TMPRSS15: variants seen among roughly 807,000 people sequenced by gnomAD.
The protein encoded by TMPRSS15 is transmembrane serine protease 15, also known as enteropeptidase.
In TMPRSS15, 128 loss-of-function variants were observed where a neutral mutation model predicts 125.3. The observed-to-expected ratio is 1.02, with a 90% confidence interval of 0.89 to 1.18. The LOEUF (loss-of-function observed/expected upper bound fraction) is 1.18. TMPRSS15 is among the 50% of genes most tolerant of loss of function. TMPRSS15 has a pLI of 0.00. For synonymous variants in TMPRSS15, 446 were observed against 423.2 expected (o/e 1.05, Z -0.66); for missense variants, 1,283 against 1,212.7 (o/e 1.06, Z -0.86).
chr21:18,400,074 A>C (rs1220528468), intron 1 of TMPRSS15, among the ~76,000 whole-genome samples: 2 of 152,192 alleles, frequency 1.3e-5, no homozygotes, highest in East Asian at 3.8e-4. Flanking sequence ...TATAAAAATC[A>C]GATAACACAA....
chr21:18,429,442 G>A (rs976307314), intron 1 of TMPRSS15, among the ~76,000 whole-genome samples: 1 of 152,126 alleles, frequency 6.6e-6, no homozygotes, highest in Non-Finnish European at 1.5e-5. Context: ...ATCTCATCTT[G>A]AATTATACTC....
At chr21:18,288,528 C>CTTTTT (rs149147539) in intron 21 of TMPRSS15, among the ~76,000 whole-genome samples, 9 of 96,962 alleles carry the variant, frequency 9.3e-5, no homozygotes, top group African/African-American at 1.2e-4. Flanking sequence ...AATGCTCTTC[C>CTTTTT]TTTTTTTTTT....
At chr21:18,369,538 A>G (rs947129500) in intron 6 of TMPRSS15, among the ~76,000 whole-genome samples, 1 of 152,194 alleles carries the variant, frequency 6.6e-6, no homozygotes, top group Admixed American at 6.5e-5. Context: ...GCAAACCTAA[A>G]TAACTAAAGA....
At chr21:18,445,692 C>T (rs568872870) in intron 1 of TMPRSS15, among the ~76,000 whole-genome samples, 18 of 152,182 alleles carry the variant, frequency 1.2e-4, no homozygotes, top group African/African-American at 3.1e-4. Context: ...ATCACATTAA[C>T]AAAATGTAGA....
At chr21:18,332,020 C>G in intron 14 of TMPRSS15, 64 bp downstream of exon 14, 1 of 1,413,152 alleles carries the variant, frequency 7.1e-7, no homozygotes, top group African/African-American at 1.4e-5. Context: ...TTTGCTGCGT[C>G]AAGGGGAGAT....
chr21:18,330,077 T>C (rs1222726009), intron 14 of TMPRSS15, among the ~76,000 whole-genome samples: 3 of 152,200 alleles, frequency 2.0e-5, no homozygotes, highest in Non-Finnish European at 4.4e-5. Context: ...TTATTCTTCC[T>C]ATCTCAGTGG....
chr21:18,472,824 A>G (rs2824842), intron 1 of TMPRSS15, among the ~76,000 whole-genome samples: 10,861 of 152,136 alleles, frequency 0.071, 540 homozygotes, highest in Admixed American at 0.12. Flanking sequence ...AAACTGCAGT[A>G]TAATTATTTA....
At chr21:18,336,816 A>G (rs557129582) in intron 13 of TMPRSS15, among the ~76,000 whole-genome samples, 49 of 152,308 alleles carry the variant, frequency 3.2e-4, no homozygotes, top group African/African-American at 1.2e-3. Flanking sequence ...GACAACAGGT[A>G]TGTGCCACTG....
chr21:18,297,871 T>C (rs1271391776), intron 18 of TMPRSS15, 42 bp from the exon 19 acceptor site: 3 of 1,453,590 alleles, frequency 2.1e-6, no homozygotes, highest in Middle Eastern at 1.7e-4. Context: ...AACAAAAGCA[T>C]AAAGAAAAGA....
intron 1 of TMPRSS15, among the ~76,000 whole-genome samples, chr21:18,456,423 A>C (rs187511192): frequency 6.6e-6 from 1 of 152,292 alleles, no homozygotes; most frequent in East Asian, 1.9e-4. Flanking sequence ...CATGTTAATT[A>C]AACACATACA....
intron 10 of TMPRSS15, among the ~76,000 whole-genome samples, chr21:18,345,547 C>T (rs2075496212): frequency 6.7e-6 from 1 of 150,176 alleles, no homozygotes; most frequent in Admixed American, 6.6e-5. Context: ...CCAGACCATC[C>T]TGGCTAACAC....
In TMPRSS15 at chr21:18,297,827, C is replaced by T. The variant is rs757271842; in HGVS notation, c.2168G>A (p.Ser723Asn). 3.7e-6 allele frequency: 6 copies of T among 1,608,970 alleles called. No homozygotes were observed. In the East Asian group the frequency reaches 8.9e-5, roughly 24 times the overall value. The change falls in exon 19 of 25, where the codon AGT (serine) becomes AAT (asparagine). Residue 723 changes from serine (S) to asparagine (N), a missense_variant and splice_region_variant. By Grantham distance (46) the Ser-to-Asn change is conservative. Coordinates refer to ENST00000284885, the MANE Select transcript of TMPRSS15 (RefSeq NM_002772.3). ...GAAGATTGGCTTTGATGAGTTTCCA[C>T]TCCTAGAGAAAAAAGAAAAAAGCAT... ...NDVCQLLGLG[S>N]GNSSKPIFPT...
intron 1 of TMPRSS15, among the ~76,000 whole-genome samples, chr21:18,453,273 T>C (rs1260618903): frequency 6.6e-6 from 1 of 152,178 alleles, no homozygotes; most frequent in Non-Finnish European, 1.5e-5. Flanking sequence ...TCTGATTATA[T>C]TTCCATGAAG....
chr21:18,398,156 T>C, intron 2 of TMPRSS15, 43 bp downstream of exon 2: 2 of 1,610,262 alleles, frequency 1.2e-6, no homozygotes, highest in Non-Finnish European at 1.7e-6. Context: ...AGCAAGTAGT[T>C]AAACTGTGTT....
At chr21:18,345,759 A>AAAAAAAAAAAAAAAAAC (rs2075501713) in intron 10 of TMPRSS15, among the ~76,000 whole-genome samples, 1 of 144,750 alleles carries the variant, frequency 6.9e-6, no homozygotes, top group Non-Finnish European at 1.5e-5. Flanking sequence ...AAAAAAAAAA[A>AAAAAAAAAAAAAAAAAC]AAATCCACTG....
intron 16 of TMPRSS15, among the ~76,000 whole-genome samples, chr21:18,321,835 T>C (rs1327185251): frequency 6.6e-6 from 1 of 152,180 alleles, no homozygotes; most frequent in Non-Finnish European, 1.5e-5. Flanking sequence ...CAGACGGTGC[T>C]GATGAAAACT....
chr21:18,277,794 G>T (rs75286851), intron 23 of TMPRSS15, among the ~76,000 whole-genome samples: 3 of 152,116 alleles, frequency 2.0e-5, no homozygotes, highest in Non-Finnish European at 2.9e-5. Flanking sequence ...TGTTGTGACT[G>T]CAGGGATCAG....
chr21:18,326,000 A>C (rs944933279), intron 16 of TMPRSS15, among the ~76,000 whole-genome samples: 1 of 152,096 alleles, frequency 6.6e-6, no homozygotes, highest in African/African-American at 2.4e-5. Context: ...GGTTGTCTCC[A>C]ATAAGTTAAT....
At chr21:18,383,876 T>C (rs2075917536) in intron 3 of TMPRSS15, 98 bp from the exon 4 acceptor site, 2 of 1,392,962 alleles carry the variant, frequency 1.4e-6, no homozygotes, top group Non-Finnish European at 2.0e-6. Context: ...TCTATAGTTA[T>C]CATCTTGCTA....
Sources: allele counts gnomAD v4.1 joint callset (sites outside exome capture counted in the v4.1 genomes callset), GRCh38; gene constraint gnomAD v4.1.1; transcripts MANE v1.5; gene names NCBI Gene and HGNC (gene_info 2026-07-23, HGNC 2026-07-21).